The following CADPS variants were observed in gnomAD, a reference collection of about 807,000 sequenced individuals.
CADPS encodes the protein calcium-dependent secretion activator 1.
CADPS carries 57 observed loss-of-function variants against 167.3 expected under a neutral mutation model. The observed-to-expected ratio is 0.34, with a 90% CI of 0.28 to 0.42. CADPS has a LOEUF of 0.42. CADPS is among the 20% of genes least tolerant of loss of function. CADPS has a pLI of 1.00. For synonymous variants in CADPS, 676 were observed against 635.3 expected, an observed-to-expected ratio of 1.06 and a Z score of -0.96; for missense variants, 1,414 against 1,738.1, an observed-to-expected ratio of 0.81 and a Z score of 3.32.
chr3:62,760,488 C>T (rs1453438365), intron 2 of CADPS, among the ~76,000 whole-genome samples: 2 of 152,034 alleles, frequency 1.3e-5, no homozygotes, highest in Non-Finnish European at 2.9e-5. Context: ...CCTCTGGCCC[C>T]AAGAGGCTGA....
chr3:62,855,276 A>G (rs1294579243), intron 1 of CADPS, among the ~76,000 whole-genome samples: 1 of 151,762 alleles, frequency 6.6e-6, no homozygotes, highest in African/African-American at 2.4e-5. Flanking sequence ...AGCTCTATTC[A>G]AAACAAAATA....
chr3:62,549,172 C>T (rs897711617), intron 11 of CADPS, among the ~76,000 whole-genome samples: 9 of 152,116 alleles, frequency 5.9e-5, no homozygotes, highest in Non-Finnish European at 1.0e-4. Context: ...ATGTTTGGAA[C>T]GAAAATGAAT....
intron 1 of CADPS, among the ~76,000 whole-genome samples, chr3:62,782,339 T>C (rs2091790101): frequency 6.6e-6 from 1 of 152,200 alleles, no homozygotes; most frequent in Non-Finnish European, 1.5e-5. Context: ...ACCCACCTGT[T>C]CAACTATTTA....
intron 3 of CADPS, among the ~76,000 whole-genome samples, chr3:62,736,391 T>A (rs2079000624): frequency 6.6e-6 from 1 of 152,204 alleles, no homozygotes; most frequent in Non-Finnish European, 1.5e-5. Flanking sequence ...CACATGAACA[T>A]ATTATTTAAA....
intron 1 of CADPS, among the ~76,000 whole-genome samples, chr3:62,836,769 T>A (rs2075958547): frequency 6.6e-6 from 1 of 152,162 alleles, no homozygotes; most frequent in African/African-American, 2.4e-5. Context: ...TTTAAACCAA[T>A]AAGATTGGGC....
rs2073644259 is a variant in CADPS, at chr3:62,663,035, C to G, written c.889-641G>C. 2.6e-5 allele frequency among the ~76,000 whole-genome samples: 4 copies of G among 152,152 alleles called. No homozygotes were observed. The South Asian group carries it at 8.3e-4, about 31-fold the overall frequency. ...AAGCCTGGACAATTCCCTAACTTCTCTGTTTTCAGTTTTTTCTATCTAAAG... is the reference window on the plus strand; with the variant it reads ...AAGCCTGGACAATTCCCTAACTTCTGTGTTTTCAGTTTTTTCTATCTAAAG... On this transcript the variant is annotated intron_variant, in intron 3 of 29. Coordinates refer to ENST00000383710, the MANE Select transcript of CADPS (RefSeq NM_003716.4).
At chr3:62,624,477 C>A (rs2063682817) in intron 6 of CADPS, among the ~76,000 whole-genome samples, 4 of 151,822 alleles carry the variant, frequency 2.6e-5, no homozygotes, top group Non-Finnish European at 5.9e-5. Flanking sequence ...ACCATTTAAA[C>A]TAGGGCTGGT....
intron 3 of CADPS, among the ~76,000 whole-genome samples, chr3:62,747,842 T>C (rs2081818042): frequency 6.6e-6 from 1 of 152,018 alleles, no homozygotes; most frequent in Admixed American, 6.6e-5. Flanking sequence ...CAAGGAGAAG[T>C]TTAGAGTCAT....
intron 19 of CADPS, 54 bp downstream of exon 19, chr3:62,493,591 G>A: frequency 7.2e-7 from 1 of 1,396,298 alleles, no homozygotes; most frequent in African/African-American, 1.4e-5. Context: ...ACAGCCACTA[G>A]GAGGCAGAAT....
At chr3:62,807,300 C>T (rs563411685) in intron 1 of CADPS, among the ~76,000 whole-genome samples, 18 of 143,650 alleles carry the variant, frequency 1.3e-4, no homozygotes, top group Admixed American at 4.2e-4. Flanking sequence ...TTGCTCTTGT[C>T]GCCCAGGCTG....
At chr3:62,744,127 T>A (rs2080928942) in intron 3 of CADPS, among the ~76,000 whole-genome samples, 1 of 152,154 alleles carries the variant, frequency 6.6e-6, no homozygotes, top group Non-Finnish European at 1.5e-5. Context: ...GGTACAAATG[T>A]CTGCTTTAAA....
At chr3:62,788,300 T>C (rs1301775984) in intron 1 of CADPS, among the ~76,000 whole-genome samples, 1 of 152,166 alleles carries the variant, frequency 6.6e-6, no homozygotes, top group Non-Finnish European at 1.5e-5. Flanking sequence ...CCATACGTAT[T>C]GTTACTTCAA....
intron 3 of CADPS, among the ~76,000 whole-genome samples, chr3:62,740,101 C>T (rs1052866217): frequency 6.6e-6 from 1 of 152,186 alleles, no homozygotes; most frequent in Non-Finnish European, 1.5e-5. Context: ...CTGAGCATGG[C>T]TGTAGGTTTT....
rs1302830993 is a variant in CADPS at position 62,465,297 on chromosome 3, A to G, written c.3636+70T>C. The G allele has an allele frequency of 1.8e-5, 20 of 1,098,300 alleles. No homozygotes were observed. The East Asian group carries it at 4.0e-4, about 22-fold the overall frequency. 68.0% of individuals were successfully genotyped at this position (1,098,300 alleles called of 1,614,324 possible). ...CCATCCCAAAACAAAATGACACAAC[A>G]TAACTCCTCTCCCAAGCCGAAACCA... On this transcript the variant is annotated intron_variant, in intron 26 of 29. Transcript: ENST00000383710. The surrounding 1 kb of genome is among the most constrained non-coding windows in gnomAD (Gnocchi z 4.1).
intron 21 of CADPS, among the ~76,000 whole-genome samples, chr3:62,485,777 T>C (rs2062725561): frequency 3.3e-5 from 5 of 152,184 alleles, no homozygotes; most frequent in Admixed American, 3.3e-4. Flanking sequence ...GCAGCGATGA[T>C]CAAATGTGTA....
chr3:62,795,838 G>T (rs2093366171), intron 1 of CADPS, among the ~76,000 whole-genome samples: 1 of 152,182 alleles, frequency 6.6e-6, no homozygotes, highest in South Asian at 2.1e-4. Context: ...CATGAAAAAG[G>T]AGCTGATTGC....
chr3:62,429,706 T>TAA (rs1553727519), intron 28 of CADPS, among the ~76,000 whole-genome samples: 1 of 145,646 alleles, frequency 6.9e-6, no homozygotes, highest in Non-Finnish European at 1.5e-5. Flanking sequence ...AAGTCTGCCA[T>TAA]AAGAAAAAAA....
intron 21 of CADPS, among the ~76,000 whole-genome samples, chr3:62,485,992 C>T (rs903280068): frequency 6.6e-6 from 1 of 152,184 alleles, no homozygotes; most frequent in Non-Finnish European, 1.5e-5. Context: ...AAGTACATTA[C>T]TTGTCTATTT....
rs188177938 is a variant in CADPS at position 62,579,883 on chromosome 3, C to T, written c.1577+5302G>A. Among the ~76,000 whole-genome samples, 1,396 of 152,058 alleles carry T rather than the reference C, an allele frequency of 9.2e-3. 8 individuals are homozygous for T. Among genetic ancestry groups the T allele is most frequent in the Non-Finnish European group, 0.016 (1,107 of 67,984 alleles). ...AGGGGCAGAAGCAGGGTACTGCTTACGAGGCAGGAGCAGCAAGTGAAGGGG... is the reference window on the plus strand; with the variant it reads ...AGGGGCAGAAGCAGGGTACTGCTTATGAGGCAGGAGCAGCAAGTGAAGGGG... On this transcript the variant is annotated intron_variant, in intron 8 of 29. Transcript: ENST00000383710.
Sources: allele counts gnomAD v4.1 joint callset (sites outside exome capture counted in the v4.1 genomes callset), GRCh38; gene constraint gnomAD v4.1.1; non-coding constraint Gnocchi (gnomAD v3.1); transcripts MANE v1.5; gene names NCBI Gene and HGNC (gene_info 2026-07-23, HGNC 2026-07-21).